The following MSI2 variants were observed in gnomAD, a reference collection of about 807,000 sequenced individuals.
The protein encoded by MSI2 is musashi RNA binding protein 2.
MSI2 carries 17 observed loss-of-function variants against 45.6 expected under a neutral mutation model. The ratio of observed to expected loss-of-function variants is 0.37; its 90% CI spans 0.26 to 0.56. The LOEUF (loss-of-function observed/expected upper bound fraction) is 0.56. Among genes scored for constraint, MSI2 ranks in the 20% least tolerant of loss-of-function variants. The pLI is 0.77. For synonymous variants in MSI2, 156 were observed against 158.2 expected, an observed-to-expected ratio of 0.99 and a Z score of 0.11; for missense variants, 293 against 444.2, an observed-to-expected ratio of 0.66 and a Z score of 3.06.
intron 6 of MSI2, among the ~76,000 whole-genome samples, chr17:57,428,727 A>G (rs1340014773): frequency 6.6e-6 from 1 of 152,180 alleles, no homozygotes; most frequent in East Asian, 1.9e-4. Context: ...AATTTCAAAT[A>G]TCATGTTTTA....
At chr17:57,374,466 C>G (rs1305304010) in intron 5 of MSI2, among the ~76,000 whole-genome samples, 1 of 152,126 alleles carries the variant, frequency 6.6e-6, no homozygotes, top group Admixed American at 6.5e-5. Context: ...CTACATTTTC[C>G]CTCAAAATCC....
At chr17:57,583,196 G>A (rs991058783) in intron 7 of MSI2, among the ~76,000 whole-genome samples, 1 of 152,160 alleles carries the variant, frequency 6.6e-6, no homozygotes, top group Admixed American at 6.5e-5. Flanking sequence ...CTTTGTAAGG[G>A]TTGGTTTTCT....
At chr17:57,462,732 A>C (rs1011876686) in intron 6 of MSI2, among the ~76,000 whole-genome samples, 21 of 152,220 alleles carry the variant, frequency 1.4e-4, no homozygotes, top group African/African-American at 4.8e-5. Context: ...ACTGAGTTGA[A>C]ATTCATCAAG....
At chr17:57,301,269 G>A (rs1229397902) in intron 5 of MSI2, among the ~76,000 whole-genome samples, 1 of 152,216 alleles carries the variant, frequency 6.6e-6, no homozygotes, top group Non-Finnish European at 1.5e-5. Flanking sequence ...AAAGGTGGTA[G>A]TAAGTACTGA....
At chr17:57,406,965 G>C (rs973869980) in intron 6 of MSI2, 1 of 152,164 alleles carries the variant, frequency 6.6e-6, no homozygotes, top group African/African-American at 2.4e-5. Flanking sequence ...GGGAAGAAAA[G>C]GCCTTCCAGG....
intron 5 of MSI2, among the ~76,000 whole-genome samples, chr17:57,271,661 A>G (rs907915824): frequency 2.6e-5 from 4 of 151,314 alleles, no homozygotes; most frequent in Non-Finnish European, 5.9e-5. Flanking sequence ...TGGTGTAGGA[A>G]TGTATTCAGG....
intron 11 of MSI2, among the ~76,000 whole-genome samples, chr17:57,666,022 A>G (rs1237197408): frequency 6.6e-6 from 1 of 152,056 alleles, no homozygotes; most frequent in Non-Finnish European, 1.5e-5. Context: ...AGATGTTTCC[A>G]CTGCCAGGGA....
intron 6 of MSI2, among the ~76,000 whole-genome samples, chr17:57,474,867 C>T (rs938859317): frequency 1.3e-5 from 2 of 152,040 alleles, no homozygotes; most frequent in Admixed American, 1.3e-4. Context: ...TACAGGCGTG[C>T]ACCACCACCC....
chr17:57,622,570 A>G (rs1908411855), intron 9 of MSI2, among the ~76,000 whole-genome samples: 3 of 152,090 alleles, frequency 2.0e-5, no homozygotes, highest in Admixed American at 1.3e-4. Flanking sequence ...AGCCAAAAGC[A>G]TTCTTAGGTG....
intron 9 of MSI2, among the ~76,000 whole-genome samples, chr17:57,618,707 C>A (rs962092568): frequency 1.3e-5 from 2 of 152,136 alleles, no homozygotes; most frequent in South Asian, 4.1e-4. Context: ...CCACACCCAG[C>A]TAATTTTTGT....
intron 5 of MSI2, among the ~76,000 whole-genome samples, chr17:57,354,583 C>T (rs1367288316): frequency 2.0e-5 from 3 of 151,894 alleles, no homozygotes; most frequent in African/African-American, 7.3e-5. Flanking sequence ...AGGGAATGGT[C>T]GCCAGAACTT....
intron 6 of MSI2, among the ~76,000 whole-genome samples, chr17:57,433,976 A>G (rs1279034149): frequency 6.6e-6 from 1 of 152,204 alleles, no homozygotes. Flanking sequence ...AATGGTTTAT[A>G]TTTATGGGGT....
chr17:57,267,315 A>G (rs561674434), intron 5 of MSI2: 2 of 152,388 alleles, frequency 1.3e-5, no homozygotes, highest in East Asian at 3.9e-4. Flanking sequence ...AGTCAGTAGC[A>G]GGTGTCAGCT....
chr17:57,344,762 C>T (rs1211984115), intron 5 of MSI2, among the ~76,000 whole-genome samples: 1 of 152,198 alleles, frequency 6.6e-6, no homozygotes, highest in Non-Finnish European at 1.5e-5. Flanking sequence ...CTAGTTTGCT[C>T]AATCCTTAAT....
chr17:57,435,652 T>C (rs1458856880), intron 6 of MSI2, among the ~76,000 whole-genome samples: 2 of 152,276 alleles, frequency 1.3e-5, no homozygotes, highest in East Asian at 1.9e-4. Context: ...GCTCACCACT[T>C]AATTAGAAAA....
intron 5 of MSI2, among the ~76,000 whole-genome samples, chr17:57,325,457 A>T (rs778456793): frequency 2.6e-5 from 4 of 152,250 alleles, no homozygotes; most frequent in Admixed American, 6.5e-5. Context: ...TTGAAATACA[A>T]AAATTATTAA....
intron 5 of MSI2, among the ~76,000 whole-genome samples, chr17:57,346,164 C>A (rs1028086545): frequency 6.6e-6 from 1 of 152,066 alleles, no homozygotes. Flanking sequence ...TATTTTATCA[C>A]CATAAAAACA....
intron 5 of MSI2, among the ~76,000 whole-genome samples, chr17:57,275,797 A>G (rs1908793627): frequency 6.6e-6 from 1 of 152,186 alleles, no homozygotes; most frequent in Admixed American, 6.5e-5. Flanking sequence ...ACATTGACTA[A>G]TTATAGGGAA....
At chr17:57,499,650 GTGGT>G (rs950787440) in intron 6 of MSI2, among the ~76,000 whole-genome samples, 4 of 152,282 alleles carry the variant, frequency 2.6e-5, no homozygotes, top group African/African-American at 9.6e-5. Context: ...ATTATTTCTC[GTGGT>G]TTCTGTGGAG....
Sources: gnomAD v4.1 joint callset for allele counts (sites outside exome capture counted in the v4.1 genomes callset) on GRCh38, gnomAD v4.1.1 for gene constraint, MANE v1.5 for transcripts, NCBI Gene and HGNC (gene_info 2026-07-23, HGNC 2026-07-21) for gene names.